PAPPA2: variants seen among roughly 807,000 people sequenced by gnomAD.
PAPPA2 encodes the protein pappalysin-2.
Under a neutral mutation model 176.4 loss-of-function variants are expected in PAPPA2, and 86 were observed. That is an observed-to-expected ratio of 0.49 (90% CI 0.41 to 0.58). PAPPA2 has a LOEUF of 0.58. PAPPA2 is among the 20% of genes least tolerant of loss of function. PAPPA2 has a pLI of 0.00. For synonymous variants in PAPPA2, 809 were observed against 852.2 expected, an observed-to-expected ratio of 0.95 and a Z score of 0.88; for missense variants, 2,073 against 2,256.9, an observed-to-expected ratio of 0.92 and a Z score of 1.65.
chr1:176,729,847 GA>G (rs1400801394), intron 12 of PAPPA2, among the ~76,000 whole-genome samples: 3 of 151,854 alleles, frequency 2.0e-5, no homozygotes, highest in African/African-American at 7.3e-5. Context: ...TCTGCCTCTT[GA>G]AAAACATACT....
chr1:176,779,215 T>A lies in PAPPA2; in HGVS notation c.4715+8035T>A, dbSNP rs1402976008. ...ATTGTTTTATATAAACCAGTAGGAC[T>A]TTATTCAACCTGTAACTTCACCCCC... On this transcript the variant is annotated intron_variant, in intron 17 of 22. Transcript: ENST00000367662. Among the ~76,000 whole-genome samples the A allele has an allele frequency of 2.0e-5, 3 of 152,162 alleles. No individual in the cohort carries two copies. In the East Asian group the frequency reaches 5.8e-4, roughly 29 times the overall value.
At chr1:176,497,308 T>C (rs1283755676) in intron 1 of PAPPA2, among the ~76,000 whole-genome samples, 3 of 152,210 alleles carry the variant, frequency 2.0e-5, no homozygotes, top group Non-Finnish European at 4.4e-5. Context: ...CTTCACAGTG[T>C]TCCTTAGTGA....
At position 176,557,003 on chromosome 1, in the gene PAPPA2, T is replaced by A; in HGVS notation, c.681T>A (p.Leu227=). Residue 227 remains leucine, a synonymous_variant, in exon 2 of 23, where the codon CTT becomes CTA. Transcript: ENST00000367662. Reference sequence around the variant, plus strand: ...TCCAACCTTGGCCCAAGCATTCCCTTAAACACAGGGTCAAAAAGAGTCCAC... The same window carrying A: ...TCCAACCTTGGCCCAAGCATTCCCTAAAACACAGGGTCAAAAAGAGTCCAC... ...SHFQPWPKHS[L]KHRVKKSPPE... The A allele has an allele frequency of 6.2e-7, 1 of 1,613,902 alleles. No homozygotes were observed. The highest frequency in any genetic ancestry group is 1.1e-5 in the South Asian group (1 of 91,052).
chr1:176,764,780 T>C (rs1663871211), intron 14 of PAPPA2, among the ~76,000 whole-genome samples: 1 of 152,128 alleles, frequency 6.6e-6, no homozygotes, highest in African/African-American at 2.4e-5. Flanking sequence ...GTATTTTTAG[T>C]AGAGATGGGG....
chr1:176,660,946 G>C (rs1658325362), intron 3 of PAPPA2, among the ~76,000 whole-genome samples: 1 of 152,026 alleles, frequency 6.6e-6, no homozygotes, highest in Non-Finnish European at 1.5e-5. Context: ...ATATGTTTCA[G>C]TCTTTAGCCT....
intron 3 of PAPPA2, among the ~76,000 whole-genome samples, chr1:176,653,882 C>A (rs1657885273): frequency 6.6e-6 from 1 of 151,778 alleles, no homozygotes; most frequent in Non-Finnish European, 1.5e-5. Flanking sequence ...TTAGAATGAT[C>A]TTCTCCCTTG....
intron 1 of PAPPA2, among the ~76,000 whole-genome samples, chr1:176,508,953 G>A (rs144626803): frequency 4.6e-4 from 70 of 152,046 alleles, no homozygotes; most frequent in South Asian, 1.5e-3. Context: ...TCAGTCTCAG[G>A]TAGTTCTTTA....
At chr1:176,481,005 C>T (rs2102479024) in intron 1 of PAPPA2, among the ~76,000 whole-genome samples, 1 of 152,294 alleles carries the variant, frequency 6.6e-6, no homozygotes, top group Non-Finnish European at 1.5e-5. Flanking sequence ...TTCCTCTTGT[C>T]ACCTCGTTCT....
chr1:176,776,516 A>C (rs1483067656), intron 17 of PAPPA2, among the ~76,000 whole-genome samples: 1 of 152,170 alleles, frequency 6.6e-6, no homozygotes, highest in African/African-American at 2.4e-5. Flanking sequence ...CCACATTGTG[A>C]CTATTTATTG....
chr1:176,660,703 G>C (rs1658315592), intron 3 of PAPPA2, among the ~76,000 whole-genome samples: 1 of 152,196 alleles, frequency 6.6e-6, no homozygotes, highest in South Asian at 2.1e-4. Flanking sequence ...CTCCAAAACA[G>C]TGTCTTCCTC....
intron 4 of PAPPA2, among the ~76,000 whole-genome samples, chr1:176,686,840 G>T (rs578080589): frequency 2.6e-5 from 4 of 152,276 alleles, no homozygotes; most frequent in Non-Finnish European, 4.4e-5. Context: ...CAGATGAAGA[G>T]ATTAGGGGAA....
intron 12 of PAPPA2, among the ~76,000 whole-genome samples, chr1:176,714,491 T>C (rs1482338215): frequency 5.9e-5 from 9 of 151,730 alleles, no homozygotes; most frequent in Non-Finnish European, 8.8e-5. Flanking sequence ...ACCCTCACCA[T>C]ATTAAACTTT....
chr1:176,464,707 A>G (rs1413433894), intron 1 of PAPPA2, among the ~76,000 whole-genome samples: 1 of 152,228 alleles, frequency 6.6e-6, no homozygotes, highest in Non-Finnish European at 1.5e-5. Flanking sequence ...GTTATCTGCT[A>G]AACACTGCCT....
chr1:176,708,853 A>G (rs1402825224), intron 10 of PAPPA2, among the ~76,000 whole-genome samples: 1 of 152,162 alleles, frequency 6.6e-6, no homozygotes, highest in Admixed American at 6.6e-5. Context: ...GTAACAGTAA[A>G]TTTTAGTAAT....
At chr1:176,635,143 T>C (rs1179226567) in intron 3 of PAPPA2, among the ~76,000 whole-genome samples, 1 of 152,164 alleles carries the variant, frequency 6.6e-6, no homozygotes, top group East Asian at 1.9e-4. Context: ...CTGACTGCTA[T>C]AGGCAGAAGT....
chr1:176,569,150 A>G (rs1014098107), intron 2 of PAPPA2, among the ~76,000 whole-genome samples: 1 of 151,890 alleles, frequency 6.6e-6, no homozygotes, highest in African/African-American at 2.4e-5. Flanking sequence ...ATATACATAC[A>G]CACCCACCCA....
In PAPPA2 at chr1:176,604,342, G is replaced by C. The variant is rs184289366; in HGVS notation, c.1991+8747G>C. ...TAGAAAGTAAATTCTACGAGGGAAGGGGTTTTTATACGTTTGGGCGACTCT... is the reference window on the plus strand; with the variant it reads ...TAGAAAGTAAATTCTACGAGGGAAGCGGTTTTTATACGTTTGGGCGACTCT... On this transcript the variant is annotated intron_variant, in intron 3 of 22. Coordinates refer to ENST00000367662, the MANE Select transcript of PAPPA2 (RefSeq NM_020318.3). Among the ~76,000 whole-genome samples the C allele has an allele frequency of 4.6e-5, 7 of 152,178 alleles. No homozygotes were observed. The East Asian group carries it at 1.4e-3, about 29-fold the overall frequency.
At chr1:176,765,616 C>T in intron 14 of PAPPA2, 50 bp from the exon 15 acceptor site, 1 of 1,565,012 alleles carries the variant, frequency 6.4e-7, no homozygotes, top group South Asian at 1.2e-5. Flanking sequence ...ATTGCTCCTC[C>T]TTACTGGTTC....
intron 3 of PAPPA2, among the ~76,000 whole-genome samples, chr1:176,656,013 A>C (rs2102750664): frequency 6.6e-6 from 1 of 151,984 alleles, no homozygotes; most frequent in African/African-American, 2.4e-5. Context: ...AAAATAAAGC[A>C]AAATTAATAT....
Sources: allele counts gnomAD v4.1 joint callset (sites outside exome capture counted in the v4.1 genomes callset), GRCh38; gene constraint gnomAD v4.1.1; transcripts MANE v1.5; gene names NCBI Gene and HGNC (gene_info 2026-07-23, HGNC 2026-07-21).